The following SLC10A7 variants were observed in gnomAD, a reference collection of about 807,000 sequenced individuals.
The protein encoded by SLC10A7 is sodium/bile acid cotransporter 7.
SLC10A7 carries 29 observed loss-of-function variants against 43.2 expected under a neutral mutation model. That is an observed-to-expected ratio of 0.67 (90% confidence interval 0.50 to 0.92). The LOEUF is 0.92. Ranked by LOEUF, SLC10A7 falls within the 40% of genes least tolerant of loss-of-function variation. The pLI, the probability that SLC10A7 is intolerant of heterozygous loss-of-function variation, is 0.00. For synonymous variants in SLC10A7, 152 were observed against 144.8 expected, an observed-to-expected ratio of 1.05 and a Z score of -0.35; for missense variants, 295 against 403.2, an observed-to-expected ratio of 0.73 and a Z score of 2.30.
At chr4:146,408,812 C>G (rs1727924949) in intron 5 of SLC10A7, 1 of 152,040 alleles carries the variant, frequency 6.6e-6, no homozygotes, top group African/African-American at 2.4e-5. Context: ...GCTTTATTAT[C>G]TATTAATATC....
intron 5 of SLC10A7, among the ~76,000 whole-genome samples, chr4:146,377,720 C>T (rs934443219): frequency 3.3e-5 from 5 of 152,194 alleles, no homozygotes; most frequent in Admixed American, 3.3e-4. Context: ...AGGACAACTA[C>T]ATATTTCTTA....
At chr4:146,427,232 G>A (rs1729439203) in intron 5 of SLC10A7, among the ~76,000 whole-genome samples, 1 of 152,162 alleles carries the variant, frequency 6.6e-6, no homozygotes, top group African/African-American at 2.4e-5. Context: ...CTACTCAGGA[G>A]GCTGAGATGG....
intron 4 of SLC10A7, among the ~76,000 whole-genome samples, chr4:146,486,825 C>T (rs1734959712): frequency 6.6e-6 from 1 of 152,230 alleles, no homozygotes; most frequent in Non-Finnish European, 1.5e-5. Context: ...AAATCTACAA[C>T]TGCCAGTGAT....
rs776442200 is a variant in SLC10A7 at position 146,521,635 on chromosome 4, G to A, written c.83C>T (p.Ser28Phe). The stretch of plus-strand genomic sequence containing the variant: ...GCACTTACCCCCATTCACCCCTATG[G>A]ACGGCTCCAGTTTAGCTCCAGCGAT... ...LAIAGAKLEP[S>F]IGVNGGPLKP... is the part of the protein sequence containing the mutation. The change falls in exon 1 of 12, where the codon TCC becomes TTC. Residue 28 changes from serine (S) to phenylalanine (F), a missense_variant. This residue lies in a region of SLC10A7 where 53 missense variants were observed against 40.7 expected (regional missense o/e 1.30). Coordinates refer to ENST00000335472, the MANE Select transcript of SLC10A7 (RefSeq NM_001029998.6). 12 of 1,614,118 alleles carry A rather than the reference G, an allele frequency of 7.4e-6. No individual in the cohort carries two copies. The South Asian group carries it at 1.2e-4, about 16-fold the overall frequency.
intron 5 of SLC10A7, among the ~76,000 whole-genome samples, chr4:146,348,935 G>A (rs1022654756): frequency 6.6e-5 from 10 of 152,150 alleles, no homozygotes; most frequent in Admixed American, 5.9e-4. Flanking sequence ...AAAAATCAAT[G>A]CTGAGACATT....
At chr4:146,415,627 A>C (rs921643879) in intron 5 of SLC10A7, among the ~76,000 whole-genome samples, 2 of 152,164 alleles carry the variant, frequency 1.3e-5, no homozygotes, top group Non-Finnish European at 2.9e-5. Context: ...TGTGGTCCTT[A>C]TTTGAGAACA....
At chr4:146,262,605 A>C (rs1360651346) in intron 10 of SLC10A7, among the ~76,000 whole-genome samples, 1 of 152,160 alleles carries the variant, frequency 6.6e-6, no homozygotes, top group Non-Finnish European at 1.5e-5. Flanking sequence ...TTGCTCACTG[A>C]TTTATTCAAT....
At chr4:146,407,480 T>C (rs748374252) in intron 5 of SLC10A7, among the ~76,000 whole-genome samples, 1 of 152,194 alleles carries the variant, frequency 6.6e-6, no homozygotes. Flanking sequence ...ACAAAAGATT[T>C]CTAGAACTTT....
At chr4:146,417,070 G>T (rs561719686) in intron 5 of SLC10A7, among the ~76,000 whole-genome samples, 2 of 152,214 alleles carry the variant, frequency 1.3e-5, no homozygotes, top group African/African-American at 2.4e-5. Flanking sequence ...CATAGTAAAA[G>T]TGTACATTTT....
chr4:146,397,777 C>G (rs1367282119), intron 5 of SLC10A7, among the ~76,000 whole-genome samples: 2 of 152,102 alleles, frequency 1.3e-5, no homozygotes, highest in Non-Finnish European at 2.9e-5. Context: ...CTTGTACAGT[C>G]AGTAAATTTA....
At chr4:146,446,887 G>C (rs1179508335) in intron 4 of SLC10A7, among the ~76,000 whole-genome samples, 1 of 151,970 alleles carries the variant, frequency 6.6e-6, no homozygotes, top group Admixed American at 6.6e-5. Context: ...TAATTAAAAA[G>C]TATGAATTGC....
chr4:146,437,264 AG>A (rs1225550918), intron 5 of SLC10A7, among the ~76,000 whole-genome samples: 5 of 152,246 alleles, frequency 3.3e-5, no homozygotes, highest in Admixed American at 2.0e-4. Flanking sequence ...TTGCTCAAAC[AG>A]GTGATGATCA....
intron 5 of SLC10A7, among the ~76,000 whole-genome samples, chr4:146,350,524 C>A (rs1445926827): frequency 2.1e-5 from 3 of 144,510 alleles, no homozygotes; most frequent in African/African-American, 7.9e-5. Context: ...CTGGGTGGAG[C>A]CCACCACAGC....
chr4:146,332,275 G>T (rs774421070), intron 5 of SLC10A7, among the ~76,000 whole-genome samples: 8 of 152,162 alleles, frequency 5.3e-5, no homozygotes, highest in Non-Finnish European at 1.2e-4. Flanking sequence ...TATTTGAGCT[G>T]GATAATACTA....
chr4:146,356,734 AT>A (rs201656209), intron 5 of SLC10A7, among the ~76,000 whole-genome samples: 5 of 151,590 alleles, frequency 3.3e-5, no homozygotes, highest in Middle Eastern at 3.4e-3. Flanking sequence ...TCTACAAGGG[AT>A]TTTTTTTTGT....
At chr4:146,471,422 C>T (rs1206338497) in intron 4 of SLC10A7, among the ~76,000 whole-genome samples, 2 of 151,988 alleles carry the variant, frequency 1.3e-5, no homozygotes, top group African/African-American at 4.8e-5. Context: ...AGAAACACAC[C>T]CTCGCATTTT....
chr4:146,373,183 A>G (rs1035642451), intron 5 of SLC10A7, among the ~76,000 whole-genome samples: 5 of 152,196 alleles, frequency 3.3e-5, no homozygotes, highest in Non-Finnish European at 7.3e-5. Flanking sequence ...TATAATAGAA[A>G]TAATTTTGGC....
At chr4:146,439,202 A>G (rs950996600) in intron 5 of SLC10A7, among the ~76,000 whole-genome samples, 6 of 152,070 alleles carry the variant, frequency 3.9e-5, no homozygotes, top group Admixed American at 1.3e-4. Flanking sequence ...GCCTAGATAC[A>G]TTAAAAACAA....
chr4:146,448,085 G>A (rs1731264336), intron 4 of SLC10A7, among the ~76,000 whole-genome samples: 1 of 152,016 alleles, frequency 6.6e-6, no homozygotes, highest in Non-Finnish European at 1.5e-5. Flanking sequence ...GGGGAGCGGT[G>A]AGGGATAGCA....
Sources: gnomAD v4.1 joint callset for allele counts (sites outside exome capture counted in the v4.1 genomes callset) on GRCh38, gnomAD v4.1.1 for gene constraint, gnomAD v4.1.1 regional missense constraint, MANE v1.5 for transcripts, NCBI Gene and HGNC (gene_info 2026-07-23, HGNC 2026-07-21) for gene names.